Variants in MCTP2 observed in about 807,000 individuals in gnomAD.
MCTP2 encodes multiple C2 and transmembrane domain containing 2.
In MCTP2, 132 loss-of-function variants were observed where a neutral mutation model predicts 111.6. That is an observed-to-expected ratio of 1.18 (90% CI 1.03 to 1.37). The LOEUF (loss-of-function observed/expected upper bound fraction) is 1.37. Ranked by LOEUF, MCTP2 falls within the 40% of genes most tolerant of loss-of-function variation. The probability of loss-of-function intolerance (pLI) is 0.00; values close to 1 mark genes in which losing one functional copy is unlikely to be tolerated. For synonymous variants in MCTP2, 395 were observed against 387.7 expected (o/e 1.02, Z -0.22); for missense variants, 1,183 against 1,067.9 (o/e 1.11, Z -1.50).
At position 94,405,270 on chromosome 15, in the gene MCTP2, T is replaced by C. The variant is rs878867149; in HGVS notation, c.2085+3251T>C. Among the ~76,000 whole-genome samples the C allele has an allele frequency of 2.0e-5, 3 of 152,322 alleles. No individual in the cohort carries two copies. In the East Asian group the frequency reaches 5.8e-4, roughly 29 times the overall value. ...CTGTTTTTTGAGAAAACATAAAATA[T>C]TAACTTTATGTTCTAGACTCTAGCT... is the stretch of plus-strand genomic sequence containing the variant. On this transcript the variant is annotated intron_variant, in intron 17 of 22. Transcript: ENST00000357742.
At chr15:94,432,927 G>T (rs2083272674) in intron 17 of MCTP2, among the ~76,000 whole-genome samples, 1 of 152,140 alleles carries the variant, frequency 6.6e-6, no homozygotes, top group Non-Finnish European at 1.5e-5. Flanking sequence ...CATTCTCTTG[G>T]ATGTTTACAA....
intron 1 of MCTP2, among the ~76,000 whole-genome samples, chr15:94,243,707 A>G (rs541349811): frequency 0.011 from 1,374 of 126,964 alleles, 28 homozygotes; most frequent in African/African-American, 0.038. Flanking sequence ...GCGTATATAC[A>G]CATATATGTA....
At chr15:94,293,762 G>A (rs561226641) in intron 1 of MCTP2, among the ~76,000 whole-genome samples, 5 of 152,290 alleles carry the variant, frequency 3.3e-5, no homozygotes, top group East Asian at 3.9e-4. Flanking sequence ...AATTGTTGGC[G>A]GGAATGCAAA....
At chr15:94,273,054 A>T (rs1406181157) in intron 1 of MCTP2, among the ~76,000 whole-genome samples, 2 of 152,186 alleles carry the variant, frequency 1.3e-5, no homozygotes, top group Non-Finnish European at 2.9e-5. Flanking sequence ...TGTACTTCTC[A>T]GCGAATTACC....
chr15:94,355,305 T>G (rs1221249844), intron 8 of MCTP2, among the ~76,000 whole-genome samples: 1 of 152,236 alleles, frequency 6.6e-6, no homozygotes, highest in Non-Finnish European at 1.5e-5. Context: ...TGCCAGACAG[T>G]GAATCTGGTA....
At chr15:94,412,384 G>GC (rs2082192996) in intron 17 of MCTP2, among the ~76,000 whole-genome samples, 1 of 151,890 alleles carries the variant, frequency 6.6e-6, no homozygotes, top group Non-Finnish European at 1.5e-5. Flanking sequence ...GTGGTAACAT[G>GC]CCGTAGGGAG....
intron 17 of MCTP2, among the ~76,000 whole-genome samples, chr15:94,434,510 C>G (rs2083359212): frequency 6.6e-6 from 1 of 152,024 alleles, no homozygotes; most frequent in Non-Finnish European, 1.5e-5. Flanking sequence ...AATTTACATT[C>G]AGATGTATAA....
rs777312969 is a variant in MCTP2 at position 94,390,725 on chromosome 15, C to CTTTTTTTTTTTTTT, written c.1788+5209_1788+5222dup. ...GAAGACCTGCAATTTCTTTTCTTTTCTTTTTTTTTTTTTTTTTTTTTTGGG... is the reference window on the plus strand; with the variant it reads ...GAAGACCTGCAATTTCTTTTCTTTTCTTTTTTTTTTTTTTTTTTTTTTTTTTTTTTTTTTTTGGG... On this transcript the variant is annotated intron_variant, in intron 14 of 22. Transcript: ENST00000357742. Among the ~76,000 whole-genome samples, 31 of 112,986 alleles carry CTTTTTTTTTTTTTT rather than the reference C, an allele frequency of 2.7e-4. 1 individual carries two copies. The highest frequency in any genetic ancestry group is 3.5e-4 in the Non-Finnish European group (19 of 53,550). 74.1% of individuals were successfully genotyped at this position (112,986 alleles called of 152,430 possible). A position where few individuals can be genotyped will look rare whatever the true frequency, so the allele number is the denominator to read the frequency against.
At chr15:94,280,219 C>T (rs1284272728) in intron 1 of MCTP2, among the ~76,000 whole-genome samples, 4 of 151,916 alleles carry the variant, frequency 2.6e-5, no homozygotes, top group Admixed American at 1.3e-4. Context: ...TTTTTCTATT[C>T]CAGGGCTTTT....
At chr15:94,434,175 C>G (rs949941092) in intron 17 of MCTP2, among the ~76,000 whole-genome samples, 6 of 151,704 alleles carry the variant, frequency 4.0e-5, no homozygotes, top group African/African-American at 1.2e-4. Flanking sequence ...AGTCATGGGT[C>G]ACTGCATCCT....
intron 20 of MCTP2, among the ~76,000 whole-genome samples, chr15:94,466,066 A>C (rs1042091394): frequency 6.6e-6 from 1 of 152,084 alleles, no homozygotes; most frequent in Non-Finnish European, 1.5e-5. Context: ...TCTTAACTTC[A>C]ATTATTATGG....
chr15:94,320,600 A>G (rs113686836), intron 4 of MCTP2, among the ~76,000 whole-genome samples: 2,032 of 152,266 alleles, frequency 0.013, 43 homozygotes, highest in African/African-American at 0.043. Context: ...CCTTTTCAGA[A>G]TGAACAGTAT....
At position 94,315,610 on chromosome 15, in the gene MCTP2, C is replaced by T. The variant is rs1195361700; in HGVS notation, c.610C>T (p.Arg204Trp). ...CCTCACCATACACCTGAAGGAAGGC[C>T]GGAACCTGGTTGTCCGAGATCGCTG... Reference protein sequence around the residue: ...YLLTIHLKEGRNLVVRDRCGT... With the variant: ...YLLTIHLKEGWNLVVRDRCGT... The change falls in exon 4 of 23, where the codon CGG (arginine) becomes TGG (tryptophan). Residue 204 changes from arginine (R) to tryptophan (W), a missense_variant. By Grantham distance (101) the Arg-to-Trp change is moderately radical (BLOSUM62 -3). Coordinates refer to ENST00000357742, the MANE Select transcript of MCTP2 (RefSeq NM_001385001.1). 9.9e-6 allele frequency: 16 copies of T among 1,613,894 alleles called. No homozygotes were observed. The highest frequency in any genetic ancestry group is 5.3e-5 in the African/African-American group (4 of 74,860).
At chr15:94,358,363 A>G in intron 9 of MCTP2, 119 bp from the exon 10 acceptor site, 1 of 883,824 alleles carries the variant, frequency 1.1e-6, no homozygotes, top group South Asian at 2.0e-5. Flanking sequence ...GTTTACCTTT[A>G]TAAGGGGTGA....
chr15:94,250,966 T>C (rs1379224472), intron 1 of MCTP2, among the ~76,000 whole-genome samples: 2 of 152,246 alleles, frequency 1.3e-5, no homozygotes, highest in African/African-American at 4.8e-5. Flanking sequence ...TACATTGATA[T>C]CTATACTGAC....
In MCTP2 at chr15:94,476,755, C is replaced by T. The variant is rs771529939; in HGVS notation, c.2530C>T (p.Leu844=). The T allele has an allele frequency of 5.6e-6, 9 of 1,608,986 alleles. No homozygotes were observed. Among genetic ancestry groups the T allele is most frequent in the African/African-American group, 5.3e-5 (4 of 74,774 alleles). ...NPYSIDNNEL[L]DFLSRVPSDV... is the part of the protein sequence containing the mutation. ...CTATTCCATCGACAATAATGAGCTA[C>T]TAGACTTCCTCTCTAGGGTACCGTC... The change falls in exon 22 of 23, where the codon CTA becomes TTA. Residue 844 remains leucine, a synonymous_variant. Transcript: ENST00000357742.
chr15:94,339,498 C>T, intron 5 of MCTP2, 66 bp downstream of exon 5: 1 of 1,328,944 alleles, frequency 7.5e-7, no homozygotes, highest in Non-Finnish European at 1.0e-6. Flanking sequence ...TTCTCATGTC[C>T]TCTTAGACGT....
At chr15:94,430,836 CCTGGA>C (rs966206152) in intron 17 of MCTP2, among the ~76,000 whole-genome samples, 1 of 152,078 alleles carries the variant, frequency 6.6e-6, no homozygotes, top group Non-Finnish European at 1.5e-5. Flanking sequence ...CTTTCTTCTG[CCTGGA>C]AACATTATTC....
intron 1 of MCTP2, among the ~76,000 whole-genome samples, chr15:94,235,002 A>G (rs1355334395): frequency 6.6e-6 from 1 of 152,138 alleles, no homozygotes; most frequent in Non-Finnish European, 1.5e-5. Flanking sequence ...CTGTAATCCC[A>G]GCACTTTGGG....
Sources: allele counts gnomAD v4.1 joint callset (sites outside exome capture counted in the v4.1 genomes callset), GRCh38; gene constraint gnomAD v4.1.1; transcripts MANE v1.5; gene names NCBI Gene and HGNC (gene_info 2026-07-23, HGNC 2026-07-21).